PCDH11Y: variants seen among roughly 807,000 people sequenced by gnomAD.
PCDH11Y encodes protocadherin 11 Y-linked, also known as protocadherin-11 Y-linked.
For synonymous variants in PCDH11Y, 9 were observed against 83.6 expected (o/e 0.11, Z 4.87); for missense variants, 12 against 224.8 (o/e 0.05, Z 6.05).
At chrY:5,616,039 C>T in intron 4 of PCDH11Y, among the ~76,000 whole-genome samples, 1 of 33,110 alleles carries the variant, frequency 3.0e-5, no homozygotes, top group African/African-American at 1.2e-4. Flanking sequence ...GCAGTACCCT[C>T]ACCTAGAATG....
At chrY:5,404,327 C>T in intron 2 of PCDH11Y, among the ~76,000 whole-genome samples, 1 of 33,164 alleles carries the variant, frequency 3.0e-5, no homozygotes, top group Non-Finnish European at 7.5e-5. Context: ...GCTGCAATTT[C>T]GATCAAATAC....
chrY:5,692,710 T>C, intron 4 of PCDH11Y, among the ~76,000 whole-genome samples: 1 of 33,249 alleles, frequency 3.0e-5, no homozygotes, highest in African/African-American at 1.2e-4. Context: ...ACCAGTTCAG[T>C]TGTAAAAGAA....
chrY:5,027,103 A>T (rs2052579856), intron 1 of PCDH11Y, among the ~76,000 whole-genome samples: 4 of 30,837 alleles, frequency 1.3e-4, no homozygotes, highest in Admixed American at 6.2e-4. Context: ...TACAAAAAAC[A>T]TTTTTTTTAA....
intron 4 of PCDH11Y, among the ~76,000 whole-genome samples, chrY:5,613,387 T>C: frequency 3.1e-5 from 1 of 32,338 alleles, no homozygotes; most frequent in Non-Finnish European, 7.5e-5. Context: ...AATTCAAAAA[T>C]TTCCTTAAAC....
chrY:5,029,312 C>T (rs2052585025), intron 1 of PCDH11Y, among the ~76,000 whole-genome samples: 1 of 29,551 alleles, frequency 3.4e-5, no homozygotes, highest in African/African-American at 1.3e-4. Context: ...TTAGCTCTGT[C>T]GATCCAGGGA....
intron 2 of PCDH11Y, among the ~76,000 whole-genome samples, chrY:5,425,443 G>C: frequency 3.1e-5 from 1 of 32,487 alleles, no homozygotes; most frequent in South Asian, 6.9e-4. Context: ...CCAATCGTTC[G>C]ATGATTTATA....
At chrY:5,122,953 G>C in intron 2 of PCDH11Y, among the ~76,000 whole-genome samples, 1 of 33,188 alleles carries the variant, frequency 3.0e-5, no homozygotes, top group Non-Finnish European at 7.4e-5. Flanking sequence ...CACGGGTTTT[G>C]TATGGCACTT....
At chrY:5,125,646 AT>A (rs2052824279) in intron 2 of PCDH11Y, among the ~76,000 whole-genome samples, 1 of 33,025 alleles carries the variant, frequency 3.0e-5, no homozygotes, top group South Asian at 6.6e-4. Context: ...ATTCATTCAT[AT>A]TTTTTTGTAG....
At chrY:5,532,417 T>G (rs1602939042) in intron 3 of PCDH11Y, among the ~76,000 whole-genome samples, 3 of 29,160 alleles carry the variant, frequency 1.0e-4, no homozygotes, top group African/African-American at 4.0e-4. Flanking sequence ...CTGTTTTCTG[T>G]TTTTTTGTTC....
intron 2 of PCDH11Y, among the ~76,000 whole-genome samples, chrY:5,328,816 G>A: frequency 9.6e-5 from 3 of 31,244 alleles, no homozygotes; most frequent in East Asian, 1.7e-3. Context: ...GACCTAGCTC[G>A]GCCTGTCAAG....
chrY:5,713,441 G>A (rs2124713235), intron 4 of PCDH11Y, among the ~76,000 whole-genome samples: 3 of 32,798 alleles, frequency 9.1e-5, no homozygotes, highest in African/African-American at 3.5e-4. Context: ...CATACAGGAA[G>A]CATTGTCAAG....
intron 2 of PCDH11Y, among the ~76,000 whole-genome samples, chrY:5,385,693 T>G: frequency 1.2e-4 from 4 of 33,619 alleles, no homozygotes; most frequent in Admixed American, 1.1e-3. Flanking sequence ...ATTTTTTAAT[T>G]ATGGCCATTC....
At chrY:5,659,968 G>C in intron 4 of PCDH11Y, among the ~76,000 whole-genome samples, 1 of 28,601 alleles carries the variant, frequency 3.5e-5, no homozygotes, top group East Asian at 9.0e-4. Flanking sequence ...AGAGCCCAAG[G>C]GCTCTTTAGT....
At chrY:5,314,717 G>C in intron 2 of PCDH11Y, among the ~76,000 whole-genome samples, 8 of 32,192 alleles carry the variant, frequency 2.5e-4, no homozygotes. Flanking sequence ...AATAGATTCC[G>C]TTCATGAGGA....
rs207480408 is a variant in PCDH11Y at position 5,482,341 on chromosome Y, C to T, written c.3130-18716C>T. Among the ~76,000 whole-genome samples the T allele has an allele frequency of 2.1e-4, 7 of 33,886 alleles. No homozygotes were observed. The East Asian group carries it at 5.5e-3, about 27-fold the overall frequency. The allele number at this position is 33,886 out of a possible 37,273, so 90.9% of individuals were successfully genotyped here. A position where few individuals can be genotyped will look rare whatever the true frequency, so the allele number is the denominator to read the frequency against. The stretch of plus-strand genomic sequence containing the variant: ...CTGATCATCTTTCTGGTTCTAGCCA[C>T]TATTGACAATGGAACATTGAAGTCT... On this transcript the variant is annotated intron_variant, in intron 2 of 4. Coordinates refer to the PCDH11Y transcript ENST00000400457.
chrY:5,326,615 C>T (rs2053121102), intron 2 of PCDH11Y, among the ~76,000 whole-genome samples: 6 of 31,625 alleles, frequency 1.9e-4, no homozygotes, highest in Non-Finnish European at 3.8e-4. Flanking sequence ...ATCAGGTGGA[C>T]CAGAGAGATA....
chrY:5,343,296 T>C (rs2053147761), intron 2 of PCDH11Y, among the ~76,000 whole-genome samples: 1 of 27,220 alleles, frequency 3.7e-5, no homozygotes, highest in Non-Finnish European at 8.8e-5. Context: ...CTCTGTCACC[T>C]AGGATGGAGT....
chrY:5,556,261 G>C, intron 3 of PCDH11Y, among the ~76,000 whole-genome samples: 1 of 29,884 alleles, frequency 3.3e-5, no homozygotes, highest in Non-Finnish European at 8.0e-5. Context: ...TTGTGAGATA[G>C]AGATAGTATC....
At chrY:5,499,069 G>A (rs2124687760) in intron 2 of PCDH11Y, among the ~76,000 whole-genome samples, 4 of 32,669 alleles carry the variant, frequency 1.2e-4, no homozygotes, top group Admixed American at 2.9e-4. Context: ...GCTTGAGCCT[G>A]GGAGGTAGAG....
Sources: gnomAD v4.1 joint callset for allele counts (sites outside exome capture counted in the v4.1 genomes callset) on GRCh38, gnomAD v4.1.1 for gene constraint, MANE v1.5 for transcripts, NCBI Gene and HGNC (gene_info 2026-07-23, HGNC 2026-07-21) for gene names.